The following APBA1 variants were observed in gnomAD, a reference collection of about 807,000 sequenced individuals.
The protein encoded by APBA1 is amyloid beta precursor protein binding family A member 1.
In APBA1, 55 loss-of-function variants were observed where a neutral mutation model predicts 86.6. The ratio of observed to expected loss-of-function variants is 0.64; its 90% CI spans 0.51 to 0.80. The LOEUF is 0.80. Ranked by LOEUF, APBA1 falls within the 30% of genes least tolerant of loss-of-function variation. The pLI, the probability that APBA1 is intolerant of heterozygous loss-of-function variation, is 0.00. For synonymous variants in APBA1, 511 were observed against 493.9 expected (o/e 1.03, Z -0.46); for missense variants, 1,090 against 1,183.0 (o/e 0.92, Z 1.15).
intron 1 of APBA1, among the ~76,000 whole-genome samples, chr9:69,528,954 T>C (rs1836384084): frequency 6.6e-6 from 1 of 152,118 alleles, no homozygotes; most frequent in Admixed American, 6.6e-5. Context: ...ACTTCAAATT[T>C]ACTGCTATTG....
rs191915256 is a variant in APBA1 at position 69,528,773 on chromosome 9, C to T, written c.-69-11494G>A. Reference sequence around the variant, plus strand: ...ACACACACACATACGTACACACACACACAACACTACAGTATTAAGGATAGT... The same window carrying T: ...ACACACACACATACGTACACACACATACAACACTACAGTATTAAGGATAGT... On this transcript the variant is annotated intron_variant, in intron 1 of 12. Coordinates refer to ENST00000265381, the MANE Select transcript of APBA1 (RefSeq NM_001163.4). 2.3e-3 allele frequency among the ~76,000 whole-genome samples: 350 copies of T among 152,082 alleles called. 1 individual carries two copies. The highest frequency in any genetic ancestry group is 7.8e-3 in the African/African-American group (323 of 41,536).
chr9:69,560,808 T>C (rs1588364028), intron 1 of APBA1, among the ~76,000 whole-genome samples: 4 of 152,344 alleles, frequency 2.6e-5, no homozygotes, highest in Admixed American at 2.6e-4. Context: ...GCATGACCTC[T>C]GAGCATCATG....
In APBA1 at chr9:69,489,082, A is replaced by T. The variant is rs376474625; in HGVS notation, c.1201-12939T>A. 8.7e-4 allele frequency among the ~76,000 whole-genome samples: 133 copies of T among 152,142 alleles called. 2 individuals are homozygous for T. The South Asian group carries it at 0.027, about 31-fold the overall frequency. ...AAGGTAATTTATAGATTCAATGCCAACCCCATCAAGCTACCAATGACTTTC... is the reference window on the plus strand; with the variant it reads ...AAGGTAATTTATAGATTCAATGCCATCCCCATCAAGCTACCAATGACTTTC... On this transcript the variant is annotated intron_variant, in intron 2 of 12. Coordinates refer to ENST00000265381, the MANE Select transcript of APBA1 (RefSeq NM_001163.4).
At chr9:69,553,065 G>A (rs1048537940) in intron 1 of APBA1, among the ~76,000 whole-genome samples, 9 of 151,994 alleles carry the variant, frequency 5.9e-5, no homozygotes, top group Non-Finnish European at 1.0e-4. Context: ...CACTACACTC[G>A]GCTAATTTTT....
intron 1 of APBA1, among the ~76,000 whole-genome samples, chr9:69,543,286 C>A (rs909757297): frequency 2.1e-4 from 26 of 126,400 alleles, no homozygotes; most frequent in African/African-American, 5.0e-4. Context: ...TCCCCCCCCC[C>A]CCCCCGGCCT....
intron 2 of APBA1, among the ~76,000 whole-genome samples, chr9:69,488,338 ATAAC>A (rs926835465): frequency 1.3e-5 from 2 of 152,152 alleles, no homozygotes; most frequent in African/African-American, 2.4e-5. Flanking sequence ...AAAAAAAAAT[ATAAC>A]TAAGATCAAT....
At chr9:69,558,577 T>C (rs942544205) in intron 1 of APBA1, among the ~76,000 whole-genome samples, 4 of 151,070 alleles carry the variant, frequency 2.6e-5, no homozygotes, top group Admixed American at 1.3e-4. Context: ...TATATATATA[T>C]ATATACACAT....
chr9:69,668,310 G>T (rs893130831), intron 1 of APBA1, among the ~76,000 whole-genome samples: 38 of 152,032 alleles, frequency 2.5e-4, no homozygotes, highest in African/African-American at 8.9e-4. Flanking sequence ...TTCTGAAAAT[G>T]ACCCAACTGC....
chr9:69,551,478 G>A (rs1161387038), intron 1 of APBA1, among the ~76,000 whole-genome samples: 3 of 151,764 alleles, frequency 2.0e-5, no homozygotes, highest in Middle Eastern at 3.2e-3. Context: ...GCTTTAACCC[G>A]GGAGGCGGAG....
intron 1 of APBA1, among the ~76,000 whole-genome samples, chr9:69,566,758 G>C (rs1212904249): frequency 2.0e-5 from 3 of 152,096 alleles, no homozygotes; most frequent in Non-Finnish European, 4.4e-5. Context: ...CGTCTTCAAT[G>C]CTGGCTCCCC....
intron 1 of APBA1, among the ~76,000 whole-genome samples, chr9:69,578,484 C>A (rs555605870): frequency 6.6e-6 from 1 of 152,318 alleles, no homozygotes; most frequent in East Asian, 1.9e-4. Context: ...TCTCTAAATA[C>A]CACCCTGAAT....
chr9:69,456,402 T>C lies in APBA1; in HGVS notation c.1633A>G (p.Ile545Val), dbSNP rs1242946635. 2 of 1,609,236 alleles carry C rather than the reference T, an allele frequency of 1.2e-6. No individual in the cohort carries two copies. Among genetic ancestry groups the C allele is most frequent in the Admixed American group, 1.7e-5 (1 of 59,646 alleles). Residue 545 changes from isoleucine (I) to valine (V), a missense_variant, in exon 8 of 13, where the codon ATT (isoleucine) becomes GTT (valine). By Grantham distance (29) the Ile-to-Val change is conservative. This residue lies in a region of APBA1 where 103 missense variants were observed against 91.9 expected (regional missense o/e 1.12). Transcript: ENST00000265381. ...TTCCCAATGTCCGCAATGTAGGAAA[T>C]GGTCCTCAGAGGGTGGTCCATCATT... The part of the protein sequence containing the change: ...ETMMDHPLRT[I>V]SYIADIGNIV...
At chr9:69,668,110 C>A (rs992783382) in intron 1 of APBA1, among the ~76,000 whole-genome samples, 2 of 152,184 alleles carry the variant, frequency 1.3e-5, no homozygotes, top group Non-Finnish European at 2.9e-5. Context: ...CCTATCCTTA[C>A]TTTTGCTTCT....
intron 10 of APBA1, among the ~76,000 whole-genome samples, chr9:69,448,653 G>A (rs1021073701): frequency 5.3e-5 from 8 of 151,658 alleles, no homozygotes; most frequent in Admixed American, 3.3e-4. Context: ...CTATTTGCAC[G>A]AATTAATCCC....
chr9:69,557,275 T>C (rs1836877565), intron 1 of APBA1, among the ~76,000 whole-genome samples: 1 of 152,202 alleles, frequency 6.6e-6, no homozygotes, highest in Non-Finnish European at 1.5e-5. Flanking sequence ...CCTTCAGCCA[T>C]GACAAAGTGT....
At chr9:69,629,881 A>AT (rs1823005229) in intron 1 of APBA1, among the ~76,000 whole-genome samples, 1 of 152,172 alleles carries the variant, frequency 6.6e-6, no homozygotes. Context: ...TCAAACGAAC[A>AT]TATTAGTGAG....
At chr9:69,530,484 A>G (rs190787950) in intron 1 of APBA1, among the ~76,000 whole-genome samples, 42 of 152,110 alleles carry the variant, frequency 2.8e-4, no homozygotes, top group Admixed American at 1.4e-3. Context: ...CAAACTCCTC[A>G]TGTTCTCACT....
rs118034825 is a variant in APBA1, at chr9:69,514,950, C to T, written c.1200+1061G>A. 5.5e-3 allele frequency among the ~76,000 whole-genome samples: 836 copies of T among 152,172 alleles called. 5 individuals are homozygous for T. Among genetic ancestry groups the T allele is most frequent in the Middle Eastern group, 0.01 (3 of 292 alleles). ...TAAACAAAACTGCAGAAACCCCTGG[C>T]GGAAAAAGGCTTGGAAGGCTATCCT... On this transcript the variant is annotated intron_variant, in intron 2 of 12. Transcript: ENST00000265381.
In APBA1 at chr9:69,456,307, G is replaced by A. The variant is rs754506281; in HGVS notation, c.1728C>T (p.His576=). ...ACTGCCTTTTCCCATCCTGGGATGG[G>A]TGGGACGCTTCCACGTTCTCCTGGG... ...SNSQENVEAS[H]PSQDGKRQYK... The change falls in exon 8 of 13, where the codon CAC becomes CAT. Residue 576 remains histidine, a synonymous_variant. Coordinates refer to ENST00000265381, the MANE Select transcript of APBA1 (RefSeq NM_001163.4). The A allele has an allele frequency of 3.0e-5, 48 of 1,614,082 alleles. No individual in the cohort carries two copies. Among genetic ancestry groups the A allele is most frequent in the East Asian group, 4.5e-5 (2 of 44,892 alleles).
Sources: allele counts gnomAD v4.1 joint callset (sites outside exome capture counted in the v4.1 genomes callset), GRCh38; gene constraint gnomAD v4.1.1; regional missense constraint gnomAD v4.1.1; transcripts MANE v1.5; gene names NCBI Gene and HGNC (gene_info 2026-07-23, HGNC 2026-07-21).